ARHGEF7: variants seen among roughly 807,000 people sequenced by gnomAD.
ARHGEF7 encodes PAK-interacting exchange factor beta.
A neutral mutation model predicts 109.8 loss-of-function variants in ARHGEF7; 33 were observed. The ratio of observed to expected loss-of-function variants is 0.30; its 90% CI spans 0.23 to 0.40. The LOEUF (loss-of-function observed/expected upper bound fraction) is 0.40. ARHGEF7 is among the 10% of genes least tolerant of loss of function. The pLI, the probability that ARHGEF7 is intolerant of heterozygous loss-of-function variation, is 1.00. For synonymous variants in ARHGEF7, 458 were observed against 424.6 expected, an observed-to-expected ratio of 1.08 and a Z score of -0.97; for missense variants, 938 against 1,098.5, an observed-to-expected ratio of 0.85 and a Z score of 2.07.
At chr13:111,280,700 C>T (rs371572902) in intron 15 of ARHGEF7, 23 bp downstream of exon 15, 5 of 1,500,170 alleles carry the variant, frequency 3.3e-6, no homozygotes, top group Middle Eastern at 3.7e-4. Context: ...TGCTTCTCCT[C>T]CTTCCAGACT....
rs572218458 is a variant in ARHGEF7, at chr13:111,188,104, G to T, written c.253-17185G>T. ...CTGCAGGCCCTGCTTTCCTTCCTGC[G>T]TGTGCCCTGGGATCACTCGCTCTGT... On this transcript the variant is annotated intron_variant, in intron 2 of 21. Coordinates refer to ENST00000646102, the MANE Select transcript of ARHGEF7 (RefSeq NM_001354046.2). Among the ~76,000 whole-genome samples, 356 of 152,254 alleles carry T rather than the reference G, an allele frequency of 2.3e-3. 1 individual carries two copies. Among genetic ancestry groups the T allele is most frequent in the African/African-American group, 6.4e-3 (266 of 41,522 alleles).
In ARHGEF7 at chr13:111,124,902, G is replaced by C. The variant is rs116969037; in HGVS notation, c.165+9211G>C. On this transcript the variant is annotated intron_variant, in intron 1 of 21. Coordinates refer to ENST00000646102, the MANE Select transcript of ARHGEF7 (RefSeq NM_001354046.2). ...CGCCTCTCGAGTAGCTGAGGCTACA[G>C]GTGTGCGCCACCATGCCCGGCTAAT... Among the ~76,000 whole-genome samples, 939 of 152,308 alleles carry C rather than the reference G, an allele frequency of 6.2e-3. 6 individuals carry two copies. Among genetic ancestry groups the C allele is most frequent in the Middle Eastern group, 0.02 (6 of 294 alleles).
At chr13:111,241,408 C>A (rs1449320357) in intron 6 of ARHGEF7, 5 of 1,488,614 alleles carry the variant, frequency 3.4e-6, no homozygotes, top group African/African-American at 2.8e-5. Context: ...AGTGGGCACC[C>A]CAGCTGGAGT....
chr13:111,302,225 A>T (rs1254255357), intron 21 of ARHGEF7, among the ~76,000 whole-genome samples: 1 of 152,150 alleles, frequency 6.6e-6, no homozygotes, highest in African/African-American at 2.4e-5. Flanking sequence ...ACGGAATGTG[A>T]GTATGAGCAG....
chr13:111,292,245 C>G lies in ARHGEF7; in HGVS notation c.2262C>G (p.Asp754Glu), dbSNP rs369853127. The G allele has an allele frequency of 6.8e-6, 11 of 1,614,100 alleles. No individual in the cohort carries two copies. Among genetic ancestry groups the G allele is most frequent in the Non-Finnish European group, 9.3e-6 (11 of 1,180,054 alleles). The change falls in exon 19 of 22, where the codon GAC (aspartate) becomes GAG (glutamate). Residue 754 changes from aspartate to glutamate, a missense_variant. This residue lies in a region of ARHGEF7 where 166 missense variants were observed against 167.3 expected (regional missense o/e 0.99). Coordinates refer to ENST00000646102, the MANE Select transcript of ARHGEF7 (RefSeq NM_001354046.2). ...CTTCAGACCTCTCGGAAGACTCTGA[C>G]TATGACAGTATATGGACAGCCCATA... ...LEPSDLSEDS[D>E]YDSIWTAHSY...
chr13:111,180,923 T>G (rs1011683523), intron 2 of ARHGEF7, among the ~76,000 whole-genome samples: 3 of 152,244 alleles, frequency 2.0e-5, no homozygotes, highest in Non-Finnish European at 2.9e-5. Context: ...GATGTCTGAT[T>G]GCAAAAATGT....
intron 4 of ARHGEF7, among the ~76,000 whole-genome samples, chr13:111,214,126 G>A (rs1003620628): frequency 3.3e-5 from 5 of 152,202 alleles, no homozygotes; most frequent in African/African-American, 2.4e-5. Context: ...CTTAGACGCC[G>A]CCCTTTCTTT....
Position 111,243,917 on chromosome 13 carries a change from C to CA in ARHGEF7, c.805_806insA (p.Leu269HisfsTer16). The CA allele has an allele frequency of 6.2e-7, 1 of 1,613,266 alleles. No homozygotes were observed. Among genetic ancestry groups the CA allele is most frequent in the Non-Finnish European group, 8.5e-7 (1 of 1,179,446 alleles). Reference sequence around the variant, plus strand: ...AACAGAAAATGAATATTCTAAAGAACTTCAGACTGTGCTTTCAACGTACCT... The same window carrying CA: ...AACAGAAAATGAATATTCTAAAGAACATTCAGACTGTGCTTTCAACGTACCT... On this transcript the variant is annotated frameshift_variant, in exon 7 of 22. Coordinates refer to ENST00000646102, the MANE Select transcript of ARHGEF7 (RefSeq NM_001354046.2). LOFTEE classifies it high-confidence loss of function.
intron 5 of ARHGEF7, among the ~76,000 whole-genome samples, chr13:111,224,995 C>T (rs981316925): frequency 6.6e-6 from 1 of 152,092 alleles, no homozygotes; most frequent in African/African-American, 2.4e-5. Context: ...CCGAGGCAGG[C>T]GTAGGGAGCG....
At chr13:111,289,544 C>G (rs1567100173) in intron 18 of ARHGEF7, among the ~76,000 whole-genome samples, 1 of 152,216 alleles carries the variant, frequency 6.6e-6, no homozygotes, top group Non-Finnish European at 1.5e-5. Flanking sequence ...AGCATAGAAA[C>G]TGATGTATCC....
intron 8 of ARHGEF7, among the ~76,000 whole-genome samples, chr13:111,259,673 G>A (rs2090872238): frequency 6.6e-6 from 1 of 152,186 alleles, no homozygotes; most frequent in Admixed American, 6.5e-5. Flanking sequence ...CCTAGGCTGT[G>A]AAGACTACAA....
intron 2 of ARHGEF7, among the ~76,000 whole-genome samples, chr13:111,173,081 T>C (rs2077750097): frequency 6.6e-6 from 1 of 152,270 alleles, no homozygotes. Context: ...AACGTGTTGC[T>C]GTATTTCCTT....
At chr13:111,171,981 A>G (rs1190629448) in intron 2 of ARHGEF7, among the ~76,000 whole-genome samples, 1 of 152,226 alleles carries the variant, frequency 6.6e-6, no homozygotes, top group Non-Finnish European at 1.5e-5. Context: ...TGGACTTCCC[A>G]GTTCCAGAAC....
chr13:111,251,584 A>G (rs1250467542), intron 8 of ARHGEF7, among the ~76,000 whole-genome samples: 1 of 152,242 alleles, frequency 6.6e-6, no homozygotes, highest in East Asian at 1.9e-4. Context: ...TCCGTGTTAA[A>G]TAAATATCCG....
In ARHGEF7 at chr13:111,258,999, G is replaced by A. The variant is rs1016142202; in HGVS notation, c.951-8549G>A. Reference sequence around the variant, plus strand: ...GAGAGGTTTCCTGCTTATGGAAAAGGGGAGTGAAGAGTGGGAAGGACTTTT... The same window carrying A: ...GAGAGGTTTCCTGCTTATGGAAAAGAGGAGTGAAGAGTGGGAAGGACTTTT... On this transcript the variant is annotated intron_variant, in intron 8 of 21. Transcript: ENST00000646102. This position sits in a 1 kb window ranked among gnomAD's most constrained non-coding sequence, Gnocchi z 4.4. 6.6e-6 allele frequency among the ~76,000 whole-genome samples: 1 copy of A among 152,206 alleles called. No individual in the cohort carries two copies. The highest frequency in any genetic ancestry group is 1.5e-5 in the Non-Finnish European group (1 of 68,040).
chr13:111,189,944 C>G (rs1294272490), intron 2 of ARHGEF7, among the ~76,000 whole-genome samples: 5 of 152,232 alleles, frequency 3.3e-5, no homozygotes, highest in African/African-American at 4.8e-5. Context: ...ACCTCTCAAT[C>G]CGCCCTCTAA....
Position 111,292,280 on chromosome 13 carries a change from T to C in ARHGEF7, c.2297T>C (p.Met766Thr). The part of the protein sequence containing the change: ...DSIWTAHSYR[M>T]GSTSRSRKES... ...ATATGGACAGCCCATAGTTACAGAATGGGTTCTACATCTCGTAAGAGCTGT... is the reference window on the plus strand; with the variant it reads ...ATATGGACAGCCCATAGTTACAGAACGGGTTCTACATCTCGTAAGAGCTGT... The change falls in exon 19 of 22, where the codon ATG (methionine) becomes ACG (threonine). Residue 766 changes from methionine to threonine, a missense_variant. Met to Thr is a moderately conservative substitution (Grantham distance 81, BLOSUM62 -1). Around this residue, in one of 4 missense-constraint regions of ARHGEF7, gnomAD observed 166 missense variants for 167.3 expected, o/e 0.99. Transcript: ENST00000646102. 1 of 1,614,224 alleles carries C rather than the reference T, an allele frequency of 6.2e-7. No homozygotes were observed. The highest frequency in any genetic ancestry group is 8.5e-7 in the Non-Finnish European group (1 of 1,180,042).
chr13:111,234,039 CAT>C lies in ARHGEF7; in HGVS notation c.759+747_759+748del, dbSNP rs1019528077. On this transcript the variant is annotated intron_variant, in intron 6 of 21. Transcript: ENST00000646102. ...ATAACAACAAAGTAAACCCTCTAAA[CAT>C]GTGTATGTTTTGAATTCTGGGGAAA... is the stretch of plus-strand genomic sequence containing the variant. Among the ~76,000 whole-genome samples the C allele has an allele frequency of 1.6e-4, 25 of 152,256 alleles. 1 individual carries two copies. The highest frequency in any genetic ancestry group is 4.3e-4 in the African/African-American group (18 of 41,558).
chr13:111,293,600 T>A (rs1318113210), intron 19 of ARHGEF7: 1 of 985,256 alleles, frequency 1.0e-6, no homozygotes, highest in African/African-American at 1.7e-5. Context: ...GGGGCCAAAT[T>A]GTGTTCTGTC....
Sources: allele counts gnomAD v4.1 joint callset (sites outside exome capture counted in the v4.1 genomes callset), GRCh38; gene constraint gnomAD v4.1.1; regional missense constraint gnomAD v4.1.1; non-coding constraint Gnocchi (gnomAD v3.1); transcripts MANE v1.5; gene names NCBI Gene and HGNC (gene_info 2026-07-23, HGNC 2026-07-21).